The following FSTL4 variants were observed in gnomAD, a reference collection of about 807,000 sequenced individuals.
The protein encoded by FSTL4 is follistatin-related protein 4.
In FSTL4, 28 loss-of-function variants were observed where a neutral mutation model predicts 78.2. The ratio of observed to expected loss-of-function variants is 0.36; its 90% CI spans 0.27 to 0.49. FSTL4 has a LOEUF of 0.49. FSTL4 is among the 20% of genes least tolerant of loss of function. FSTL4 has a pLI of 0.98. For missense variants in FSTL4, 922 were observed against 1,084.9 expected, an observed-to-expected ratio of 0.85 and a Z score of 2.11; for synonymous variants, 422 against 440.5, an observed-to-expected ratio of 0.96 and a Z score of 0.53.
the FSTL4 span, among the ~76,000 whole-genome samples, chr5:133,783,465 A>T: frequency 6.6e-6 from 1 of 152,220 alleles, no homozygotes. Context: ...TCTATCAATA[A>T]ATCTATAAGG....
At chr5:133,771,093 T>A in the FSTL4 span, among the ~76,000 whole-genome samples, 1 of 152,134 alleles carries the variant, frequency 6.6e-6, no homozygotes, top group Non-Finnish European at 1.5e-5. Flanking sequence ...TGTCTGTTTT[T>A]ATAGCAGTGC....
intron 7 of FSTL4, chr5:133,248,713 G>A (rs1213113282): frequency 6.6e-6 from 1 of 152,184 alleles, no homozygotes; most frequent in African/African-American, 2.4e-5. Flanking sequence ...GGTTCCTCAG[G>A]GCACAGACGT....
intron 2 of FSTL4, among the ~76,000 whole-genome samples, chr5:133,589,990 A>G (rs942249570): frequency 5.3e-5 from 8 of 152,360 alleles, no homozygotes; most frequent in Non-Finnish European, 4.4e-5. Flanking sequence ...TAATCTACTT[A>G]GTGCTTTGGC....
At position 133,603,891 on chromosome 5, in the gene FSTL4, G is replaced by T; in HGVS notation, c.93C>A (p.Gly31=). 1 of 1,614,098 alleles carries T rather than the reference G, an allele frequency of 6.2e-7. No homozygotes were observed. The highest frequency in any genetic ancestry group is 8.5e-7 in the Non-Finnish European group (1 of 1,179,942). ...LGWMDPGTSR[G]PDVGVGESQA... ...GTGACTCCCCCACACCCACATCCGGGCCTCTGCTGGTTCCTGGGTCCATCC... is the reference window on the plus strand; with the variant it reads ...GTGACTCCCCCACACCCACATCCGGTCCTCTGCTGGTTCCTGGGTCCATCC... The change falls in exon 2 of 16, where the codon GGC becomes GGA. Residue 31 remains glycine, a synonymous_variant. Transcript: ENST00000265342.
intron 3 of FSTL4, among the ~76,000 whole-genome samples, chr5:133,566,853 G>T (rs775632289): frequency 6.6e-6 from 1 of 152,088 alleles, no homozygotes; most frequent in Non-Finnish European, 1.5e-5. Flanking sequence ...TGTTGTTCAC[G>T]TTGCTTTGCT....
At chr5:133,817,270 G>A in the FSTL4 span, among the ~76,000 whole-genome samples, 2 of 152,234 alleles carry the variant, frequency 1.3e-5, no homozygotes, top group African/African-American at 4.8e-5. Context: ...GAGCCAGGGT[G>A]TGCAAACCTT....
chr5:133,201,293 C>A (rs1750310649), intron 15 of FSTL4, among the ~76,000 whole-genome samples: 1 of 152,064 alleles, frequency 6.6e-6, no homozygotes, highest in Admixed American at 6.6e-5. Context: ...CCATGCTGGG[C>A]CGAGGTCTGC....
At chr5:133,634,274 A>C in the FSTL4 span, among the ~76,000 whole-genome samples, 1 of 152,056 alleles carries the variant, frequency 6.6e-6, no homozygotes, top group Admixed American at 6.6e-5. Context: ...ATGGGGTCAC[A>C]GGTCTTTCTG....
At chr5:133,401,771 G>A (rs1338652576) in intron 3 of FSTL4, among the ~76,000 whole-genome samples, 5 of 152,128 alleles carry the variant, frequency 3.3e-5, no homozygotes, top group Non-Finnish European at 1.5e-5. Flanking sequence ...AACACAGCAG[G>A]CTTGAGCCAA....
At chr5:133,474,310 G>A (rs908454497) in intron 3 of FSTL4, among the ~76,000 whole-genome samples, 5 of 145,734 alleles carry the variant, frequency 3.4e-5, no homozygotes, top group South Asian at 4.4e-4. Flanking sequence ...ATGAACAAAC[G>A]GGAGACAGGG....
intron 3 of FSTL4, among the ~76,000 whole-genome samples, chr5:133,506,925 C>A (rs1293169913): frequency 6.6e-6 from 1 of 152,188 alleles, no homozygotes; most frequent in African/African-American, 2.4e-5. Flanking sequence ...AAAAAGCAGG[C>A]AATAGGCCAG....
intron 4 of FSTL4, among the ~76,000 whole-genome samples, chr5:133,360,495 T>G (rs1463592993): frequency 4.2e-5 from 5 of 118,494 alleles, no homozygotes; most frequent in Non-Finnish European, 1.8e-5. Flanking sequence ...TTTTTTTTTT[T>G]GCAACAAGTC....
the FSTL4 span, among the ~76,000 whole-genome samples, chr5:133,668,938 G>T: frequency 1.3e-5 from 2 of 152,206 alleles, no homozygotes; most frequent in Non-Finnish European, 2.9e-5. Context: ...TCACTCTTAT[G>T]AAGTGACATC....
the FSTL4 span, among the ~76,000 whole-genome samples, chr5:133,704,665 T>A: frequency 6.6e-6 from 1 of 152,194 alleles, no homozygotes; most frequent in Non-Finnish European, 1.5e-5. Context: ...TCTGTGAGGC[T>A]CCCCAGCCTG....
chr5:133,224,263 G>A (rs925238038), intron 10 of FSTL4, 47 bp from the exon 11 acceptor site: 52 of 1,489,422 alleles, frequency 3.5e-5, no homozygotes, highest in Non-Finnish European at 4.9e-5. Context: ...TGGAGTCAAG[G>A]AAAAAGAAGA....
chr5:133,404,101 T>C (rs1049812161), intron 3 of FSTL4, among the ~76,000 whole-genome samples: 15 of 152,198 alleles, frequency 9.9e-5, no homozygotes, highest in African/African-American at 2.9e-4. Flanking sequence ...TGATTCCTGA[T>C]TACTTGCAAT....
Position 133,199,189 on chromosome 5 carries a change from G to A in FSTL4, c.2435C>T (p.Ser812Leu), listed in dbSNP as rs758455610. Residue 812 changes from serine (S) to leucine (L), a missense_variant, in exon 16 of 16, where the codon TCA (serine) becomes TTA (leucine). Physicochemically the swap from Ser to Leu is moderately radical, Grantham distance 145. Coordinates refer to ENST00000265342, the MANE Select transcript of FSTL4 (RefSeq NM_015082.2). This position sits in a 1 kb window ranked among gnomAD's most constrained non-coding sequence, Gnocchi z 4.4. ...GQYLLTPARE[S>L]LFLINGRQNT... ...TTGTCTCCCATTGATGAGGAACAGT[G>A]ACTCTCGGGCTGGTGTGAGGAGGTA... 1.9e-6 allele frequency: 3 copies of A among 1,611,384 alleles called. No individual in the cohort carries two copies. In the East Asian group the frequency reaches 6.7e-5, roughly 36 times the overall value.
At chr5:133,266,965 A>C (rs1049762954) in intron 6 of FSTL4, among the ~76,000 whole-genome samples, 1 of 152,174 alleles carries the variant, frequency 6.6e-6, no homozygotes, top group African/African-American at 2.4e-5. Context: ...CGCTGCCCCC[A>C]GTGCCTTCTA....
the FSTL4 span, among the ~76,000 whole-genome samples, chr5:133,726,990 T>A: frequency 2.0e-5 from 3 of 152,188 alleles, no homozygotes; most frequent in Non-Finnish European, 4.4e-5. Context: ...TTGGAGACCG[T>A]GGCATGTCGG....
Sources: allele counts gnomAD v4.1 joint callset (sites outside exome capture counted in the v4.1 genomes callset), GRCh38; gene constraint gnomAD v4.1.1; non-coding constraint Gnocchi (gnomAD v3.1); transcripts MANE v1.5; gene names NCBI Gene and HGNC (gene_info 2026-07-23, HGNC 2026-07-21).